KCNQ1: variants seen among roughly 807,000 people sequenced by gnomAD.
KCNQ1 encodes potassium voltage-gated channel subfamily KQT member 1.
KCNQ1 carries 49 observed loss-of-function variants against 72.4 expected under a neutral mutation model. The observed-to-expected ratio is 0.68, with a 90% CI of 0.54 to 0.86. The LOEUF (loss-of-function observed/expected upper bound fraction) is 0.86. Ranked by LOEUF, KCNQ1 falls within the 40% of genes least tolerant of loss-of-function variation. The pLI, the probability that KCNQ1 is intolerant of heterozygous loss-of-function variation, is 0.00. For missense variants in KCNQ1, 790 were observed against 945.1 expected, an observed-to-expected ratio of 0.84 and a Z score of 2.15; for synonymous variants, 450 against 412.6, an observed-to-expected ratio of 1.09 and a Z score of -1.10.
intron 1 of KCNQ1, among the ~76,000 whole-genome samples, chr11:2,500,355 C>A (rs560867460): frequency 6.6e-6 from 1 of 152,242 alleles, no homozygotes; most frequent in South Asian, 2.1e-4. Context: ...GAATGGCGAT[C>A]ATTAAAAAAT....
intron 15 of KCNQ1, among the ~76,000 whole-genome samples, chr11:2,811,967 C>T (rs925179676): frequency 7.9e-5 from 12 of 152,172 alleles, no homozygotes; most frequent in Admixed American, 2.0e-4. Context: ...CCCAGGCAGA[C>T]CCCACGCCCT....
At chr11:2,460,679 C>T (rs554873825) in intron 1 of KCNQ1, among the ~76,000 whole-genome samples, 17 of 152,330 alleles carry the variant, frequency 1.1e-4, no homozygotes, top group Middle Eastern at 3.4e-3. Context: ...TGCTGGGGAA[C>T]GCTGGGGACT....
intron 1 of KCNQ1, among the ~76,000 whole-genome samples, chr11:2,513,109 T>C (rs1033906964): frequency 6.6e-6 from 1 of 152,082 alleles, no homozygotes; most frequent in Non-Finnish European, 1.5e-5. Context: ...TGTGCTGCGC[T>C]CTGGGCCACC....
In KCNQ1 at chr11:2,714,429, GC is replaced by G. The variant is rs555386154; in HGVS notation, c.1514+52349del. 2.6e-5 allele frequency among the ~76,000 whole-genome samples: 4 copies of G among 152,336 alleles called. No homozygotes were observed. In the East Asian group the frequency reaches 5.8e-4, roughly 22 times the overall value. On this transcript the variant is annotated intron_variant, in intron 11 of 15. Coordinates refer to ENST00000155840, the MANE Select transcript of KCNQ1 (RefSeq NM_000218.3). Reference sequence around the variant, plus strand: ...GTGTGGTGGCAGTGGAGTCAGGGCAGCTGGACAGCCCCTCTGCCATCAGTGA... The same window carrying G: ...GTGTGGTGGCAGTGGAGTCAGGGCAGTGGACAGCCCCTCTGCCATCAGTGA...
At chr11:2,614,844 C>G (rs975539798) in intron 10 of KCNQ1, 6 of 398,174 alleles carry the variant, frequency 1.5e-5, no homozygotes, top group African/African-American at 1.2e-4. Flanking sequence ...CAACTTTGTT[C>G]TTTTTCAATA....
Position 2,559,755 on chromosome 11 carries a change from G to A in KCNQ1, c.478-10873G>A, listed in dbSNP as rs1205427391. 2.0e-5 allele frequency among the ~76,000 whole-genome samples: 3 copies of A among 152,142 alleles called. No homozygotes were observed. Among genetic ancestry groups the A allele is most frequent in the Non-Finnish European group, 2.9e-5 (2 of 68,024 alleles). On this transcript the variant is annotated intron_variant, in intron 2 of 15. Transcript: ENST00000155840. The surrounding 1 kb of genome is among the most constrained non-coding windows in gnomAD (Gnocchi z 4.9). ...AGACAAGCACACAGAGCAGCTGGCC[G>A]ATTGCAGCTCTGAAGGTCAGAGATG... is the stretch of plus-strand genomic sequence containing the variant.
chr11:2,466,342 C>T (rs1846351417), intron 1 of KCNQ1, among the ~76,000 whole-genome samples: 2 of 152,146 alleles, frequency 1.3e-5, no homozygotes, highest in South Asian at 4.1e-4. Context: ...GACTTCCCCT[C>T]CCCAGGCTGG....
chr11:2,820,773 G>T (rs1185173852), intron 15 of KCNQ1, among the ~76,000 whole-genome samples: 1 of 152,226 alleles, frequency 6.6e-6, no homozygotes, highest in Non-Finnish European at 1.5e-5. Context: ...TCCATTGAGG[G>T]TTTGAGTCTG....
Position 2,698,652 on chromosome 11 carries a change from C to T in KCNQ1, c.1514+36571C>T. The T allele has an allele frequency of 2.5e-6, 1 of 398,712 alleles. No individual in the cohort carries two copies. Among genetic ancestry groups the T allele is most frequent in the Non-Finnish European group, 4.4e-6 (1 of 226,088 alleles). The allele number at this position is 398,712 out of a possible 1,614,324, so 24.7% of individuals were successfully genotyped here. A position where few individuals can be genotyped will look rare whatever the true frequency, so the allele number is the denominator to read the frequency against. On this transcript the variant is annotated intron_variant, in intron 11 of 15. Coordinates refer to ENST00000155840, the MANE Select transcript of KCNQ1 (RefSeq NM_000218.3). The surrounding 1 kb of genome is among the most constrained non-coding windows in gnomAD (Gnocchi z 5.1). ...TGAGACCTCTAACCCCAATCCCAAT[C>T]TCTTAACTCAGAGCCCCCCATTCAG...
chr11:2,774,480 C>T (rs1441442478), intron 12 of KCNQ1, among the ~76,000 whole-genome samples: 1 of 152,212 alleles, frequency 6.6e-6, no homozygotes, highest in Non-Finnish European at 1.5e-5. Flanking sequence ...CTAGTGTTGC[C>T]AGTGAGGGCC....
rs1330853957 is a variant in KCNQ1 at position 2,492,570 on chromosome 11, T to C, written c.387-35358T>C. Among the ~76,000 whole-genome samples the C allele has an allele frequency of 6.6e-6, 1 of 152,242 alleles. No homozygotes were observed. Among genetic ancestry groups the C allele is most frequent in the East Asian group, 1.9e-4 (1 of 5,196 alleles). On this transcript the variant is annotated intron_variant, in intron 1 of 15. Coordinates refer to ENST00000155840, the MANE Select transcript of KCNQ1 (RefSeq NM_000218.3). The surrounding 1 kb of genome is among the most constrained non-coding windows in gnomAD (Gnocchi z 4.1). ...TGTTCCCCTCCCTGTGTCCGTGTAT[T>C]CTCATTGTTCAACTTCCACTTATGA...
At position 2,784,713 on chromosome 11, in the gene KCNQ1, T is replaced by C. The variant is rs1488002395; in HGVS notation, c.1794+6676T>C. On this transcript the variant is annotated intron_variant, in intron 15 of 15. Coordinates refer to ENST00000155840, the MANE Select transcript of KCNQ1 (RefSeq NM_000218.3). This position sits in a 1 kb window ranked among gnomAD's most constrained non-coding sequence, Gnocchi z 4.7. The stretch of plus-strand genomic sequence containing the variant: ...TCTACTTTAATTTCTTTCAGTGATA[T>C]TTTGCAGTTTGGGGCATATAAATTT... Among the ~76,000 whole-genome samples, 2 of 152,006 alleles carry C rather than the reference T, an allele frequency of 1.3e-5. No individual in the cohort carries two copies. Among genetic ancestry groups the C allele is most frequent in the African/African-American group, 4.8e-5 (2 of 41,460 alleles).
chr11:2,755,251 T>TTTGTTGTTG (rs375178714), intron 11 of KCNQ1, among the ~76,000 whole-genome samples: 1 of 151,876 alleles, frequency 6.6e-6, no homozygotes, highest in East Asian at 1.9e-4. Flanking sequence ...TGTTGTTGTT[T>TTTGTTGTTG]TTGTTGTTGT....
rs1030033409 is a variant in KCNQ1, at chr11:2,785,036, T to A, written c.1794+6999T>A. On this transcript the variant is annotated intron_variant, in intron 15 of 15. Coordinates refer to ENST00000155840, the MANE Select transcript of KCNQ1 (RefSeq NM_000218.3). The surrounding 1 kb of genome is among the most constrained non-coding windows in gnomAD (Gnocchi z 4.4). ...ATTTCTTTGTTTTGCCTAATTGCAC[T>A]GGCTTGAACTTCAAAAAAAATATTG... Among the ~76,000 whole-genome samples the A allele has an allele frequency of 6.6e-6, 1 of 152,050 alleles. No individual in the cohort carries two copies. Among genetic ancestry groups the A allele is most frequent in the Non-Finnish European group, 1.5e-5 (1 of 67,868 alleles).
intron 6 of KCNQ1, among the ~76,000 whole-genome samples, chr11:2,581,584 C>T (rs527386267): frequency 4.8e-4 from 73 of 152,364 alleles, no homozygotes; most frequent in African/African-American, 1.7e-3. Flanking sequence ...CTCCGTGTGC[C>T]TGCGCTGTGC....
chr11:2,447,018 G>A lies in KCNQ1; in HGVS notation c.386+1534G>A, dbSNP rs929264870. Reference sequence around the variant, plus strand: ...TCTCTGAGATGTCCAAGGGTGGGAAGACCTCCTCAGCCAGAGGCCAAGGCA... The same window carrying A: ...TCTCTGAGATGTCCAAGGGTGGGAAAACCTCCTCAGCCAGAGGCCAAGGCA... On this transcript the variant is annotated intron_variant, in intron 1 of 15. Transcript: ENST00000155840. The surrounding 1 kb of genome is among the most constrained non-coding windows in gnomAD (Gnocchi z 7.6). Among the ~76,000 whole-genome samples the A allele has an allele frequency of 5.3e-5, 8 of 152,208 alleles. No individual in the cohort carries two copies. Among genetic ancestry groups the A allele is most frequent in the African/African-American group, 1.9e-4 (8 of 41,446 alleles).
rs531929263 is a variant in KCNQ1 at position 2,713,714 on chromosome 11, G to T, written c.1514+51633G>T. Among the ~76,000 whole-genome samples, 2 of 152,224 alleles carry T rather than the reference G, an allele frequency of 1.3e-5. No homozygotes were observed. Among genetic ancestry groups the T allele is most frequent in the Non-Finnish European group, 1.5e-5 (1 of 68,038 alleles). On this transcript the variant is annotated intron_variant, in intron 11 of 15. Coordinates refer to ENST00000155840, the MANE Select transcript of KCNQ1 (RefSeq NM_000218.3). The surrounding 1 kb of genome is among the most constrained non-coding windows in gnomAD (Gnocchi z 5.6). ...TGGGTTGCAGGAGAAGCCAAGTGCC[G>T]GGTGAAGGCCTGGGGAGGAATCTGG...
chr11:2,644,479 GT>G, intron 10 of KCNQ1: 1 of 398,106 alleles, frequency 2.5e-6, no homozygotes, highest in Non-Finnish European at 4.4e-6. Context: ...ACCCCGAATT[GT>G]TTTTTCTGAT....
chr11:2,499,533 C>CTCA (rs761604921), intron 1 of KCNQ1, among the ~76,000 whole-genome samples: 1 of 129,122 alleles, frequency 7.7e-6, no homozygotes, highest in Non-Finnish European at 1.6e-5. Context: ...CCTGCCCCCA[C>CTCA]AAAAAAAGAC....
Sources: allele counts gnomAD v4.1 joint callset (sites outside exome capture counted in the v4.1 genomes callset), GRCh38; gene constraint gnomAD v4.1.1; non-coding constraint Gnocchi (gnomAD v3.1); transcripts MANE v1.5; gene names NCBI Gene and HGNC (gene_info 2026-07-23, HGNC 2026-07-21).